The following PRKCH variants were observed in gnomAD, a reference collection of about 807,000 sequenced individuals.
PRKCH encodes the protein protein kinase C eta type.
In PRKCH, 28 loss-of-function variants were observed where a neutral mutation model predicts 82.5. The ratio of observed to expected loss-of-function variants is 0.34; its 90% confidence interval spans 0.25 to 0.47. PRKCH has a LOEUF of 0.47. PRKCH is among the 20% of genes least tolerant of loss of function. The pLI is 1.00. For missense variants in PRKCH, 705 were observed against 881.8 expected, an observed-to-expected ratio of 0.80 and a Z score of 2.54; for synonymous variants, 322 against 327.4, an observed-to-expected ratio of 0.98 and a Z score of 0.18.
intron 9 of PRKCH, among the ~76,000 whole-genome samples, chr14:61,483,741 C>G (rs891795647): frequency 6.6e-6 from 1 of 152,176 alleles, no homozygotes; most frequent in Non-Finnish European, 1.5e-5. Context: ...GTGGCACTTA[C>G]AACCACAAAT....
intron 1 of PRKCH, among the ~76,000 whole-genome samples, chr14:61,257,631 C>CACACACA (rs2045010075): frequency 4.7e-5 from 2 of 42,194 alleles, no homozygotes; most frequent in East Asian, 1.8e-3. Context: ...ACACACACAC[C>CACACACA]CCCACACACA....
chr14:61,318,734 G>C (rs2045583891), upstream of PRKCH, among the ~76,000 whole-genome samples: 1 of 152,010 alleles, frequency 6.6e-6, no homozygotes, highest in South Asian at 2.1e-4. Flanking sequence ...TTTGGCAACA[G>C]CTTCATAAAC....
chr14:61,274,591 A>G (rs191765139), intron 1 of PRKCH, among the ~76,000 whole-genome samples: 45 of 152,322 alleles, frequency 3.0e-4, no homozygotes, highest in Admixed American at 2.9e-3. Flanking sequence ...AGGATCTGAT[A>G]ACTAGGTTGA....
At chr14:61,549,471 T>C (rs1225966519) in intron 13 of PRKCH, among the ~76,000 whole-genome samples, 1 of 152,216 alleles carries the variant, frequency 6.6e-6, no homozygotes, top group African/African-American at 2.4e-5. Context: ...TTTCATGGGA[T>C]TAGTGAATTG....
At chr14:61,240,800 C>T (rs775248853) in intron 1 of PRKCH, among the ~76,000 whole-genome samples, 4 of 152,116 alleles carry the variant, frequency 2.6e-5, no homozygotes, top group Non-Finnish European at 5.9e-5. Flanking sequence ...AGTCAGAGGC[C>T]AGGCTAGTAA....
At chr14:61,204,763 GA>G (rs67978354) in intron 1 of PRKCH, among the ~76,000 whole-genome samples, 212 of 106,182 alleles carry the variant, frequency 2.0e-3, no homozygotes, top group South Asian at 7.5e-3. Flanking sequence ...CCTTTCTCAA[GA>G]AAAAAAAAAA....
intron 2 of PRKCH, among the ~76,000 whole-genome samples, chr14:61,402,691 C>T (rs974524336): frequency 1.8e-4 from 27 of 151,888 alleles, no homozygotes; most frequent in African/African-American, 3.6e-4. Flanking sequence ...CCCAGCTACT[C>T]GGGAGGCTGA....
chr14:61,444,006 T>C lies in PRKCH; in HGVS notation c.578+745T>C, dbSNP rs983123645. ...GTAGCGTGAAAGGAGATCTATATTT[T>C]TGTTGTCAACTTTAATTATTTTGTT... On this transcript the variant is annotated intron_variant, in intron 3 of 13. Coordinates refer to ENST00000332981, the MANE Select transcript of PRKCH (RefSeq NM_006255.5). Among the ~76,000 whole-genome samples, 5 of 152,260 alleles carry C rather than the reference T, an allele frequency of 3.3e-5. No homozygotes were observed. In the East Asian group the frequency reaches 9.6e-4, roughly 29 times the overall value.
intron 13 of PRKCH, among the ~76,000 whole-genome samples, chr14:61,548,954 C>T (rs1330969655): frequency 2.0e-5 from 3 of 151,936 alleles, no homozygotes; most frequent in South Asian, 2.1e-4. Flanking sequence ...ATCTTTGCAG[C>T]GTTTGTTTAT....
intron 10 of PRKCH, among the ~76,000 whole-genome samples, chr14:61,522,806 G>A (rs1452021688): frequency 6.6e-6 from 1 of 152,196 alleles, no homozygotes; most frequent in Non-Finnish European, 1.5e-5. Context: ...CCAACATCCT[G>A]GCATATGGCC....
At chr14:61,254,630 A>AAAAC (rs903676555) in intron 1 of PRKCH, among the ~76,000 whole-genome samples, 7 of 152,264 alleles carry the variant, frequency 4.6e-5, no homozygotes, top group East Asian at 1.9e-4. Context: ...AAAATAAAAC[A>AAAAC]AAACAAACAA....
chr14:61,321,411 G>A (rs1389270046), upstream of PRKCH, among the ~76,000 whole-genome samples: 1 of 152,200 alleles, frequency 6.6e-6, no homozygotes, highest in Non-Finnish European at 1.5e-5. This position sits in a 1 kb window ranked among gnomAD's most constrained non-coding sequence, Gnocchi z 4.1. Flanking sequence ...CCCCTAACCC[G>A]CAGCGCACGG....
chr14:61,431,844 G>A (rs1364135537), intron 2 of PRKCH, among the ~76,000 whole-genome samples: 1 of 152,000 alleles, frequency 6.6e-6, no homozygotes, highest in Non-Finnish European at 1.5e-5. Context: ...ACGTTAATGT[G>A]GCTGCATTGC....
intron 10 of PRKCH, among the ~76,000 whole-genome samples, chr14:61,499,683 C>T (rs1267365394): frequency 1.3e-5 from 2 of 152,110 alleles, no homozygotes; most frequent in African/African-American, 4.8e-5. Context: ...GTTATATACC[C>T]TTCTTCTTTC....
chr14:61,466,194 C>G (rs1341602878), intron 9 of PRKCH, among the ~76,000 whole-genome samples: 1 of 152,046 alleles, frequency 6.6e-6, no homozygotes, highest in Non-Finnish European at 1.5e-5. Flanking sequence ...GATTTTTTTC[C>G]TATTTACCAA....
chr14:61,354,922 G>A (rs2046129391), intron 1 of PRKCH, among the ~76,000 whole-genome samples: 1 of 152,178 alleles, frequency 6.6e-6, no homozygotes, highest in Non-Finnish European at 1.5e-5. Flanking sequence ...GGGACATTAT[G>A]TCTGGCATAT....
At chr14:61,207,230 G>A (rs1382247091) in intron 1 of PRKCH, among the ~76,000 whole-genome samples, 1 of 151,826 alleles carries the variant, frequency 6.6e-6, no homozygotes. Flanking sequence ...ATGGCAGGGT[G>A]GGAGGGAGGG....
Position 61,461,656 on chromosome 14 carries a change from C to T in PRKCH, c.1278+3977C>T, listed in dbSNP as rs540606886. ...AAGCAAAGAAAGAAGTATCTCATAC[C>T]TAACAGGGGAATTTGATCTGTAAAA... On this transcript the variant is annotated intron_variant, in intron 9 of 13. Coordinates refer to ENST00000332981, the MANE Select transcript of PRKCH (RefSeq NM_006255.5). Among the ~76,000 whole-genome samples the T allele has an allele frequency of 9.2e-5, 14 of 152,284 alleles. No individual in the cohort carries two copies. The South Asian group carries it at 2.7e-3, about 29-fold the overall frequency.
chr14:61,425,007 C>T (rs941290002), intron 2 of PRKCH, among the ~76,000 whole-genome samples: 3 of 152,210 alleles, frequency 2.0e-5, no homozygotes, highest in Admixed American at 1.3e-4. Flanking sequence ...TGCAGGTATA[C>T]AAAAGTCAAG....
Sources: allele counts gnomAD v4.1 joint callset (sites outside exome capture counted in the v4.1 genomes callset), GRCh38; gene constraint gnomAD v4.1.1; non-coding constraint Gnocchi (gnomAD v3.1); transcripts MANE v1.5; gene names NCBI Gene and HGNC (gene_info 2026-07-23, HGNC 2026-07-21).